The following EYS variants were observed in gnomAD, a reference collection of about 807,000 sequenced individuals.
EYS encodes the protein protein eyes shut homolog.
Under a neutral mutation model 282.1 loss-of-function variants are expected in EYS, and 250 were observed. That is an observed-to-expected ratio of 0.89 (90% CI 0.80 to 0.98). EYS has a LOEUF of 0.98. Among genes scored for constraint, EYS ranks in the 50% least tolerant of loss-of-function variants. The pLI is 0.00. For missense variants in EYS, 4,016 were observed against 3,709.0 expected, an observed-to-expected ratio of 1.08 and a Z score of -2.15; for synonymous variants, 1,355 against 1,282.9, an observed-to-expected ratio of 1.06 and a Z score of -1.20.
chr6:63,901,788 T>C (rs1773665214), intron 35 of EYS, among the ~76,000 whole-genome samples: 1 of 152,222 alleles, frequency 6.6e-6, no homozygotes, highest in Non-Finnish European at 1.5e-5. Context: ...TTTTGAACTT[T>C]GGAATATTTT....
chr6:64,864,985 T>C (rs1005039739), intron 19 of EYS, among the ~76,000 whole-genome samples: 3 of 152,040 alleles, frequency 2.0e-5, no homozygotes, highest in Non-Finnish European at 4.4e-5. Context: ...TGAGCCTAGA[T>C]AGCGCCATTG....
chr6:64,714,352 G>C (rs1771304219), intron 22 of EYS, among the ~76,000 whole-genome samples: 1 of 151,992 alleles, frequency 6.6e-6, no homozygotes, highest in South Asian at 2.1e-4. Context: ...ATAATTGAGA[G>C]GAAAACTTTC....
chr6:65,164,117 T>G (rs989758893), intron 12 of EYS, among the ~76,000 whole-genome samples: 1 of 151,408 alleles, frequency 6.6e-6, no homozygotes, highest in Non-Finnish European at 1.5e-5. Flanking sequence ...TGTGAGTTGT[T>G]TTTAAAAAAG....
intron 12 of EYS, among the ~76,000 whole-genome samples, chr6:65,207,549 C>T (rs1766066324): frequency 6.6e-6 from 1 of 151,562 alleles, no homozygotes. Context: ...TATGAAACCA[C>T]ACAAGAGCCT....
intron 22 of EYS, among the ~76,000 whole-genome samples, chr6:64,762,361 A>T (rs945473062): frequency 6.6e-6 from 1 of 152,106 alleles, no homozygotes; most frequent in Non-Finnish European, 1.5e-5. Context: ...GACTCAATTC[A>T]CTCATTACCT....
At chr6:64,786,147 G>A (rs1774008510) in intron 22 of EYS, among the ~76,000 whole-genome samples, 1 of 151,138 alleles carries the variant, frequency 6.6e-6, no homozygotes, top group Non-Finnish European at 1.5e-5. Flanking sequence ...TAGCTAGACT[G>A]AGCTTTGACC....
intron 22 of EYS, among the ~76,000 whole-genome samples, chr6:64,676,214 G>C (rs901381430): frequency 1.3e-5 from 2 of 148,210 alleles, no homozygotes; most frequent in Admixed American, 1.4e-4. Flanking sequence ...CCATAGTGCA[G>C]GTAAGGTACT....
intron 33 of EYS, among the ~76,000 whole-genome samples, chr6:64,041,360 G>T (rs1198660783): frequency 6.6e-6 from 1 of 152,154 alleles, no homozygotes; most frequent in Non-Finnish European, 1.5e-5. Context: ...AAATTTAAAA[G>T]TTGGTTGAAT....
chr6:63,947,048 A>T (rs1282430898), intron 35 of EYS, among the ~76,000 whole-genome samples: 1 of 152,146 alleles, frequency 6.6e-6, no homozygotes, highest in African/African-American at 2.4e-5. Flanking sequence ...GTATTTTATT[A>T]AAATCATGAA....
intron 36 of EYS, among the ~76,000 whole-genome samples, chr6:63,827,464 A>T (rs1446160285): frequency 6.6e-6 from 1 of 152,216 alleles, no homozygotes; most frequent in Non-Finnish European, 1.5e-5. Context: ...ACCACAGAAT[A>T]TACATTCTAT....
At chr6:64,843,019 C>T (rs1297024578) in intron 19 of EYS, among the ~76,000 whole-genome samples, 1 of 152,182 alleles carries the variant, frequency 6.6e-6, no homozygotes, top group South Asian at 2.1e-4. Flanking sequence ...CATGGCCACC[C>T]CTCTCATCAC....
chr6:64,709,671 A>T (rs911613373), intron 22 of EYS, among the ~76,000 whole-genome samples: 1 of 152,240 alleles, frequency 6.6e-6, no homozygotes, highest in Non-Finnish European at 1.5e-5. Context: ...ATTCAAGATA[A>T]GAAGTCAGAT....
chr6:64,418,318 A>T (rs1177152710), intron 28 of EYS, among the ~76,000 whole-genome samples: 3 of 152,256 alleles, frequency 2.0e-5, no homozygotes, highest in Non-Finnish European at 4.4e-5. Context: ...TATCTTAAGA[A>T]GCTTCAGAGT....
intron 12 of EYS, among the ~76,000 whole-genome samples, chr6:65,195,786 T>C (rs1765750801): frequency 6.6e-6 from 1 of 152,034 alleles, no homozygotes; most frequent in Admixed American, 6.6e-5. Context: ...TAGAGATAAA[T>C]TTGAAAGAAT....
intron 26 of EYS, among the ~76,000 whole-genome samples, chr6:64,523,895 A>T (rs1659319903): frequency 6.6e-6 from 1 of 151,770 alleles, no homozygotes; most frequent in South Asian, 2.1e-4. Context: ...CAAAATACTG[A>T]AATTGAAATT....
chr6:63,957,506 G>A (rs1188969582), intron 35 of EYS, among the ~76,000 whole-genome samples: 2 of 141,166 alleles, frequency 1.4e-5, no homozygotes, highest in Non-Finnish European at 3.2e-5. Context: ...ATATTGTAGA[G>A]TAATTGTATT....
intron 14 of EYS, among the ~76,000 whole-genome samples, chr6:64,988,182 T>C (rs1242069092): frequency 6.6e-6 from 1 of 151,014 alleles, no homozygotes; most frequent in East Asian, 1.9e-4. Context: ...TAAAAGGCTG[T>C]GCCACTGATA....
intron 29 of EYS, among the ~76,000 whole-genome samples, chr6:64,368,225 A>G (rs1772243082): frequency 6.6e-6 from 1 of 152,102 alleles, no homozygotes; most frequent in South Asian, 2.1e-4. Context: ...TAGTTTGTTC[A>G]CAATAATGGC....
chr6:65,700,059 G>A (rs1415370157), intron 1 of EYS, among the ~76,000 whole-genome samples: 1 of 135,612 alleles, frequency 7.4e-6, no homozygotes, highest in African/African-American at 2.8e-5. Context: ...AGCTTGCAGT[G>A]AGCGGAGATC....
Sources: allele counts gnomAD v4.1 joint callset (sites outside exome capture counted in the v4.1 genomes callset), GRCh38; gene constraint gnomAD v4.1.1; transcripts MANE v1.5; gene names NCBI Gene and HGNC (gene_info 2026-07-23, HGNC 2026-07-21).